IQCJ: variants seen among roughly 807,000 people sequenced by gnomAD.
The protein encoded by IQCJ is IQ domain-containing protein J.
In IQCJ, 9 loss-of-function variants were observed where a neutral mutation model predicts 11.0. The observed-to-expected ratio is 0.82, with a 90% CI of 0.49 to 1.43. IQCJ has a LOEUF of 1.43. IQCJ is among the 40% of genes most tolerant of loss of function. The pLI is 0.00. For missense variants in IQCJ, 146 were observed against 133.2 expected, an observed-to-expected ratio of 1.10 and a Z score of -0.47; for synonymous variants, 55 against 51.3, an observed-to-expected ratio of 1.07 and a Z score of -0.31.
At chr3:159,159,526 A>G (rs1721715718) in intron 1 of IQCJ, among the ~76,000 whole-genome samples, 1 of 152,226 alleles carries the variant, frequency 6.6e-6, no homozygotes, top group African/African-American at 2.4e-5. Context: ...CACAGGTACT[A>G]CATAATCATA....
chr3:159,077,313 G>C lies in IQCJ; in HGVS notation c.9+7872G>C, dbSNP rs556188372. Among the ~76,000 whole-genome samples the C allele has an allele frequency of 2.1e-4, 32 of 152,188 alleles. No individual in the cohort carries two copies. The South Asian group carries it at 6.2e-3, about 30-fold the overall frequency. ...GCATTTAAAAAATCTATCAACACTT[G>C]ATTAGCACCTCCCTTTTGACCTATC... On this transcript the variant is annotated intron_variant, in intron 1 of 3. Transcript: ENST00000397832.
intron 1 of IQCJ, among the ~76,000 whole-genome samples, chr3:159,203,977 T>C (rs1316555213): frequency 2.0e-5 from 3 of 152,142 alleles, no homozygotes; most frequent in Admixed American, 1.3e-4. Flanking sequence ...CAGTTCTCTG[T>C]AGCTGTCAGT....
At chr3:159,130,841 A>G (rs1023198342) in intron 1 of IQCJ, among the ~76,000 whole-genome samples, 2 of 152,172 alleles carry the variant, frequency 1.3e-5, no homozygotes, top group Non-Finnish European at 2.9e-5. Context: ...TTACTTTTCT[A>G]TAGAAATATA....
At chr3:159,080,558 G>A (rs1057478633) in intron 1 of IQCJ, among the ~76,000 whole-genome samples, 3 of 152,128 alleles carry the variant, frequency 2.0e-5, no homozygotes, top group African/African-American at 7.2e-5. Flanking sequence ...AATAAACCGC[G>A]TTAGTGTTTC....
intron 1 of IQCJ, among the ~76,000 whole-genome samples, chr3:159,108,410 T>C (rs918912212): frequency 6.6e-6 from 1 of 152,242 alleles, no homozygotes; most frequent in Non-Finnish European, 1.5e-5. Flanking sequence ...TAGTTTCCAC[T>C]TATTCAAAAG....
chr3:159,225,342 G>C (rs1394100134), intron 1 of IQCJ, among the ~76,000 whole-genome samples: 1 of 152,098 alleles, frequency 6.6e-6, no homozygotes, highest in Non-Finnish European at 1.5e-5. Context: ...CGAAATCATA[G>C]AGATGGAAAA....
chr3:159,224,237 A>C (rs980513553), intron 1 of IQCJ, among the ~76,000 whole-genome samples: 3 of 152,178 alleles, frequency 2.0e-5, no homozygotes, highest in African/African-American at 7.2e-5. Context: ...CCACTGCCCC[A>C]AAGTAGAACA....
chr3:159,130,260 G>C (rs551093252), intron 1 of IQCJ, among the ~76,000 whole-genome samples: 1 of 152,252 alleles, frequency 6.6e-6, no homozygotes, highest in East Asian at 1.9e-4. Context: ...ATGTCATCTT[G>C]AGTCTATGCT....
chr3:159,108,627 T>C (rs1718422465), intron 1 of IQCJ, among the ~76,000 whole-genome samples: 1 of 152,220 alleles, frequency 6.6e-6, no homozygotes, highest in Admixed American at 6.5e-5. Flanking sequence ...GTATTAGCTG[T>C]GAAACTAATG....
chr3:159,162,017 CT>C (rs1343590211), intron 1 of IQCJ, among the ~76,000 whole-genome samples: 4 of 152,166 alleles, frequency 2.6e-5, no homozygotes, highest in Non-Finnish European at 5.9e-5. Flanking sequence ...GACACGGGCT[CT>C]TTTTTGGTGC....
chr3:159,210,476 G>A (rs7634829), intron 1 of IQCJ, among the ~76,000 whole-genome samples: 96,485 of 151,954 alleles, frequency 0.63, 32,085 homozygotes, highest in African/African-American at 0.84. Flanking sequence ...GATTAAGTGT[G>A]TAATGGTAAG....
intron 1 of IQCJ, among the ~76,000 whole-genome samples, chr3:159,138,545 C>T (rs551365659): frequency 2.6e-5 from 4 of 152,190 alleles, no homozygotes; most frequent in South Asian, 2.1e-4. Flanking sequence ...TTAAATACTC[C>T]GTGTGTGTTT....
At chr3:159,074,269 G>A (rs1715771205) in intron 1 of IQCJ, among the ~76,000 whole-genome samples, 1 of 151,974 alleles carries the variant, frequency 6.6e-6, no homozygotes, top group Non-Finnish European at 1.5e-5. Context: ...TATTCCAGGT[G>A]AGAAGAAATG....
chr3:159,074,910 A>G (rs1715814882), intron 1 of IQCJ, among the ~76,000 whole-genome samples: 1 of 152,100 alleles, frequency 6.6e-6, no homozygotes, highest in Non-Finnish European at 1.5e-5. Flanking sequence ...TTCCTGGGGT[A>G]GATAGAGGAG....
chr3:159,167,377 T>C (rs1722231796), intron 1 of IQCJ, among the ~76,000 whole-genome samples: 1 of 152,238 alleles, frequency 6.6e-6, no homozygotes, highest in Admixed American at 6.5e-5. Context: ...GAGAACTTTC[T>C]ACTTTCAGTT....
At chr3:159,246,562 C>T (rs1386829882) in intron 2 of IQCJ, among the ~76,000 whole-genome samples, 2 of 152,112 alleles carry the variant, frequency 1.3e-5, no homozygotes, top group African/African-American at 4.8e-5. Flanking sequence ...AATCCTTGCT[C>T]TCAATCACTG....
intron 1 of IQCJ, among the ~76,000 whole-genome samples, chr3:159,143,804 G>A (rs1013063481): frequency 6.6e-6 from 1 of 152,314 alleles, no homozygotes; most frequent in Middle Eastern, 3.4e-3. Context: ...CAAAAAATCT[G>A]AGATTGGGTA....
chr3:159,216,653 G>T (rs766722690), intron 1 of IQCJ, among the ~76,000 whole-genome samples: 2 of 152,074 alleles, frequency 1.3e-5, no homozygotes, highest in Non-Finnish European at 2.9e-5. Context: ...ATATTTTTCT[G>T]TAACCTGTGA....
intron 1 of IQCJ, among the ~76,000 whole-genome samples, chr3:159,073,390 C>T (rs551710877): frequency 3.3e-5 from 5 of 152,100 alleles, no homozygotes; most frequent in South Asian, 2.1e-4. Flanking sequence ...AGGAACTTAG[C>T]GGTAAGGTGA....
Sources: allele counts gnomAD v4.1 joint callset (sites outside exome capture counted in the v4.1 genomes callset), GRCh38; gene constraint gnomAD v4.1.1; transcripts MANE v1.5; gene names NCBI Gene and HGNC (gene_info 2026-07-23, HGNC 2026-07-21).